COL4A2: variants seen among roughly 807,000 people sequenced by gnomAD.
COL4A2 encodes the protein collagen type IV alpha 2 chain.
In COL4A2, 99 loss-of-function variants were observed where a neutral mutation model predicts 200.2. The ratio of observed to expected loss-of-function variants is 0.49; its 90% CI spans 0.42 to 0.58. COL4A2 has a LOEUF of 0.58. Ranked by LOEUF, COL4A2 falls within the 20% of genes least tolerant of loss-of-function variation. The pLI is 0.00. For synonymous variants in COL4A2, 897 were observed against 900.6 expected, an observed-to-expected ratio of 1.00 and a Z score of 0.07; for missense variants, 1,950 against 2,314.1, an observed-to-expected ratio of 0.84 and a Z score of 3.23.
At chr13:110,510,647 TGTG>T (rs1884052879) in intron 47 of COL4A2, among the ~76,000 whole-genome samples, 1 of 119,762 alleles carries the variant, frequency 8.3e-6, no homozygotes, top group Non-Finnish European at 1.8e-5. Flanking sequence ...TGCGTGCATT[TGTG>T]TGTGTGCATG....
chr13:110,467,219 G>T, intron 27 of COL4A2, 123 bp downstream of exon 27: 1 of 1,285,122 alleles, frequency 7.8e-7, no homozygotes, highest in Non-Finnish European at 1.1e-6. Flanking sequence ...GTCGTGTCCA[G>T]CATCTCAGCA....
At chr13:110,332,480 GTCGCA>G (rs1025371126) in intron 3 of COL4A2, among the ~76,000 whole-genome samples, 92 of 152,324 alleles carry the variant, frequency 6.0e-4, no homozygotes, top group African/African-American at 2.1e-3. Context: ...TCGTTCTCCT[GTCGCA>G]ATGATAGACA....
intron 2 of COL4A2, 47 bp from the exon 3 acceptor site, chr13:110,308,022 A>G: frequency 6.2e-7 from 1 of 1,611,550 alleles, no homozygotes; most frequent in Non-Finnish European, 8.5e-7. Context: ...GGGACTGACA[A>G]GCCGGGCCCG....
chr13:110,354,656 A>C (rs1877112746), intron 3 of COL4A2, among the ~76,000 whole-genome samples: 1 of 150,620 alleles, frequency 6.6e-6, no homozygotes, highest in African/African-American at 2.5e-5. Flanking sequence ...TAACTGATGC[A>C]TCAGATACTA....
intron 4 of COL4A2, among the ~76,000 whole-genome samples, chr13:110,404,830 C>T (rs1377147215): frequency 1.3e-5 from 2 of 152,196 alleles, no homozygotes; most frequent in African/African-American, 4.8e-5. Flanking sequence ...AGAAACCACA[C>T]CATTTCTAAA....
At chr13:110,408,360 G>A (rs1027752523) in intron 4 of COL4A2, among the ~76,000 whole-genome samples, 2 of 152,216 alleles carry the variant, frequency 1.3e-5, no homozygotes, top group Non-Finnish European at 2.9e-5. Flanking sequence ...AAGTGGCTTT[G>A]GAATGTGTCC....
At chr13:110,468,198 C>T (rs879018388) in intron 27 of COL4A2, 2 of 471,336 alleles carry the variant, frequency 4.2e-6, no homozygotes, top group South Asian at 3.1e-5. Context: ...GATCACAGGG[C>T]CTGGGGAGCA....
chr13:110,478,766 C>T (rs1237051277), intron 30 of COL4A2, among the ~76,000 whole-genome samples: 2 of 151,994 alleles, frequency 1.3e-5, no homozygotes, highest in Admixed American at 6.6e-5. Context: ...ATGTACTTTC[C>T]CCCCTTTTTG....
chr13:110,327,245 G>T (rs553589674), intron 3 of COL4A2, among the ~76,000 whole-genome samples: 1 of 152,154 alleles, frequency 6.6e-6, no homozygotes, highest in Admixed American at 6.5e-5. Flanking sequence ...GAATTTGGGC[G>T]TCCCCAGTTA....
At chr13:110,446,653 G>A in intron 17 of COL4A2, 145 bp from the exon 18 acceptor site, 1 of 639,882 alleles carries the variant, frequency 1.6e-6, no homozygotes, top group Non-Finnish European at 2.7e-6. Flanking sequence ...TGCTGCCCCA[G>A]GCACTGTCTG....
chr13:110,465,222 C>G (rs1882190076), intron 24 of COL4A2, among the ~76,000 whole-genome samples, 183 bp from the exon 25 acceptor site: 1 of 152,200 alleles, frequency 6.6e-6, no homozygotes. Flanking sequence ...TAGACTGCTA[C>G]ACAGTCTGTC....
chr13:110,490,924 G>T (rs1883264860), intron 36 of COL4A2, among the ~76,000 whole-genome samples: 1 of 152,170 alleles, frequency 6.6e-6, no homozygotes, highest in Non-Finnish European at 1.5e-5. Flanking sequence ...CCAGAAGACG[G>T]TATTTCGGAG....
chr13:110,322,259 T>C (rs1885295547), intron 3 of COL4A2, among the ~76,000 whole-genome samples: 1 of 152,230 alleles, frequency 6.6e-6, no homozygotes, highest in Non-Finnish European at 1.5e-5. Context: ...CCCGTGCCTC[T>C]GTTCTTGATG....
chr13:110,492,875 G>A (rs531623296), intron 38 of COL4A2, among the ~76,000 whole-genome samples: 2 of 152,298 alleles, frequency 1.3e-5, no homozygotes, highest in South Asian at 4.1e-4. Context: ...CGTGTAAGTT[G>A]AGCGTGTGGC....
chr13:110,508,247 T>G lies in COL4A2; in HGVS notation c.4881+26T>G. ...GTATGTGGTATTTGCCCAGTTCCCCTCCCCAACCACACCCTGCTGGGGACA... is the reference window on the plus strand; with the variant it reads ...GTATGTGGTATTTGCCCAGTTCCCCGCCCCAACCACACCCTGCTGGGGACA... On this transcript the variant is annotated intron_variant, in intron 47 of 47. Coordinates refer to ENST00000360467, the MANE Select transcript of COL4A2 (RefSeq NM_001846.4). The surrounding 1 kb of genome is among the most constrained non-coding windows in gnomAD (Gnocchi z 6.1). 1 of 1,607,316 alleles carries G rather than the reference T, an allele frequency of 6.2e-7. No individual in the cohort carries two copies. The highest frequency in any genetic ancestry group is 1.1e-5 in the South Asian group (1 of 90,570).
chr13:110,421,637 T>C (rs1880255700), intron 4 of COL4A2, among the ~76,000 whole-genome samples: 1 of 152,122 alleles, frequency 6.6e-6, no homozygotes, highest in African/African-American at 2.4e-5. Flanking sequence ...GGGAACTAGA[T>C]AGAGGTGGTG....
At chr13:110,489,653 A>G (rs895111777) in intron 35 of COL4A2, 58 bp from the exon 36 acceptor site, 1 of 1,610,194 alleles carries the variant, frequency 6.2e-7, no homozygotes, top group African/African-American at 1.3e-5. Context: ...GAAGTTGCAA[A>G]ACTCACAAAG....
chr13:110,485,591 T>G, intron 33 of COL4A2, 64 bp from the exon 34 acceptor site: 1 of 1,338,660 alleles, frequency 7.5e-7, no homozygotes, highest in Non-Finnish European at 1.0e-6. Flanking sequence ...GGCTGCAAAA[T>G]TGAAAACTGG....
Position 110,466,003 on chromosome 13 carries a change from A to G in COL4A2, c.1979A>G (p.Asp660Gly), listed in dbSNP as rs1882225268. The change falls in exon 26 of 48, where the codon GAT becomes GGT. Residue 660 changes from aspartate to glycine, a missense_variant and splice_region_variant. Asp to Gly is a moderately conservative substitution (Grantham distance 94). This residue lies in a region of COL4A2 where 1,385 missense variants were observed against 1,720.5 expected (regional missense o/e 0.80). Transcript: ENST00000360467. ...CTCTGTCCTTATGTCTTCCCCCCAG[A>G]TTGTGACACAGATGTGAAAAGGGCC... ...PGPAGTPGQIDCDTDVKRAVG... is the reference protein window; with the variant it reads ...PGPAGTPGQIGCDTDVKRAVG... 6.2e-7 allele frequency: 1 copy of G among 1,613,720 alleles called. No individual in the cohort carries two copies. The highest frequency in any genetic ancestry group is 8.5e-7 in the Non-Finnish European group (1 of 1,179,728).
Sources: gnomAD v4.1 joint callset for allele counts (sites outside exome capture counted in the v4.1 genomes callset) on GRCh38, gnomAD v4.1.1 for gene constraint, gnomAD v4.1.1 regional missense constraint, Gnocchi (gnomAD v3.1) non-coding constraint, MANE v1.5 for transcripts, NCBI Gene and HGNC (gene_info 2026-07-23, HGNC 2026-07-21) for gene names.